The following PSG5 variants were observed in gnomAD, a reference collection of about 807,000 sequenced individuals.
PSG5 encodes pregnancy specific beta-1-glycoprotein 5, also known as pregnancy-specific beta-1-glycoprotein 5.
In PSG5, 53 loss-of-function variants were observed where a neutral mutation model predicts 37.7. The observed-to-expected ratio is 1.41, with a 90% CI of 1.13 to 1.77. The LOEUF is 1.77. Ranked by LOEUF, PSG5 falls within the 40% of genes most tolerant of loss-of-function variation. The pLI is 0.00. For synonymous variants in PSG5, 221 were observed against 155.4 expected, an observed-to-expected ratio of 1.42 and a Z score of -3.14; for missense variants, 547 against 405.2, an observed-to-expected ratio of 1.35 and a Z score of -3.00.
chr19:43,176,210 C>T, intron 2 of PSG5, 62 bp from the exon 3 acceptor site: 1 of 1,582,488 alleles, frequency 6.3e-7, no homozygotes, highest in Non-Finnish European at 8.6e-7. Flanking sequence ...CACAGGCATC[C>T]TTCAATCAGA....
chr19:43,184,701 T>G, intron 2 of PSG5, 81 bp downstream of exon 2: 1 of 1,598,300 alleles, frequency 6.3e-7, no homozygotes, highest in Non-Finnish European at 8.6e-7. Flanking sequence ...ACAGGCACAG[T>G]GCAGGCCTGA....
intron 4 of PSG5, among the ~76,000 whole-genome samples, chr19:43,173,512 A>C (rs1344858969): frequency 6.6e-6 from 1 of 151,726 alleles, no homozygotes; most frequent in African/African-American, 2.4e-5. Context: ...AACAGCAAAC[A>C]TCCAAAAACC....
At chr19:43,168,334 C>T (rs1968830439) in intron 5 of PSG5, 131 bp from the exon 6 acceptor site, 5 of 287,846 alleles carry the variant, frequency 1.7e-5, no homozygotes, top group South Asian at 3.3e-4. Flanking sequence ...TATTTGATTT[C>T]CAGAAATTTC....
Position 43,185,120 on chromosome 19 carries a change from G to C in PSG5, c.92C>G (p.Pro31Arg), listed in dbSNP as rs1349442761. The change falls in exon 2 of 6, where the codon CCT becomes CGT. Residue 31 changes from proline (P) to arginine (R), a missense_variant. Coordinates refer to ENST00000342951, the MANE Select transcript of PSG5 (RefSeq NM_002781.4). Reference sequence around the variant, plus strand: ...TTCAATCGTGACTTGAGCAGTGATAGGCAGGTTCCAGAAGTTTAAAAGTGA... The same window carrying C: ...TTCAATCGTGACTTGAGCAGTGATACGCAGGTTCCAGAAGTTTAAAAGTGA... ...TASLLNFWNL[P>R]ITAQVTIEAL... is the part of the protein sequence containing the mutation. 3 of 1,609,486 alleles carry C rather than the reference G, an allele frequency of 1.9e-6. No individual in the cohort carries two copies. The highest frequency in any genetic ancestry group is 4.5e-5 in the East Asian group (2 of 44,864).
At chr19:43,169,517 A>G (rs1291978433) in intron 5 of PSG5, among the ~76,000 whole-genome samples, 1 of 151,620 alleles carries the variant, frequency 6.6e-6, no homozygotes, top group Non-Finnish European at 1.5e-5. Context: ...TCTAATTAGG[A>G]TGAAGGAATT....
Position 43,175,204 on chromosome 19 carries a change from G to A in PSG5, c.964+11C>T, listed in dbSNP as rs1968979042. 1 of 1,612,536 alleles carries A rather than the reference G, an allele frequency of 6.2e-7. No homozygotes were observed. The highest frequency in any genetic ancestry group is 8.5e-7 in the Non-Finnish European group (1 of 1,179,116). On this transcript the variant is annotated intron_variant, in intron 4 of 5. Transcript: ENST00000342951. ...AAAACCCTATTGCCAAGGATGCTGG[G>A]ATCCACTTACCAGAGACTTCGACTG...
rs538125908 is a variant in PSG5 at position 43,177,729 on chromosome 19, AAGAC to A, written c.431-1585_431-1582del. On this transcript the variant is annotated intron_variant, in intron 2 of 5. Coordinates refer to ENST00000342951, the MANE Select transcript of PSG5 (RefSeq NM_002781.4). The stretch of plus-strand genomic sequence containing the variant: ...AATAAGAGCCTGTCAGGTCAGATTT[AAGAC>A]AGAGTTTTCTAATTCTGCAAAAAAT... Among the ~76,000 whole-genome samples the A allele has an allele frequency of 4.4e-4, 67 of 151,690 alleles. 2 individuals are homozygous for A. Among genetic ancestry groups the A allele is most frequent in the Non-Finnish European group, 9.3e-4 (63 of 67,904 alleles).
chr19:43,176,718 G>C (rs1969019664), intron 2 of PSG5, among the ~76,000 whole-genome samples: 1 of 150,600 alleles, frequency 6.6e-6, no homozygotes, highest in African/African-American at 2.5e-5. Flanking sequence ...TCAGTCATCA[G>C]CCAGTGGAGG....
rs76490093 is a variant in PSG5 at position 43,179,893 on chromosome 19, A to G, written c.431-3745T>C. ...GACCATTGTTCCCTGTTCTGGGTCC[A>G]TGATGCTTCCTTCCCCTTGTAGAGG... is the stretch of plus-strand genomic sequence containing the variant. On this transcript the variant is annotated intron_variant, in intron 2 of 5. Transcript: ENST00000342951. Among the ~76,000 whole-genome samples, 16 of 151,936 alleles carry G rather than the reference A, an allele frequency of 1.1e-4. No individual in the cohort carries two copies. The East Asian group carries it at 3.1e-3, about 29-fold the overall frequency.
intron 4 of PSG5, 82 bp from the exon 5 acceptor site, chr19:43,170,220 G>A (rs1968875981): frequency 5.0e-6 from 6 of 1,198,554 alleles, no homozygotes; most frequent in African/African-American, 4.6e-5. Flanking sequence ...CATGTAGCAT[G>A]AGGTACTCTA....
chr19:43,177,183 G>T (rs185263491), intron 2 of PSG5, among the ~76,000 whole-genome samples: 6 of 151,734 alleles, frequency 4.0e-5, no homozygotes, highest in Admixed American at 3.3e-4. Flanking sequence ...ACTGCTGTTT[G>T]CCAGGAGCTG....
At position 43,174,110 on chromosome 19, in the gene PSG5, C is replaced by T. The variant is rs1002530957; in HGVS notation, c.964+1105G>A. The T allele has an allele frequency of 4.0e-5, 6 of 151,570 alleles. 1 individual carries two copies. Among genetic ancestry groups the T allele is most frequent in the African/African-American group, 1.5e-4 (6 of 41,128 alleles). The allele number at this position is 151,570 out of a possible 1,614,324, so 9.4% of individuals were successfully genotyped here. A position where few individuals can be genotyped will look rare whatever the true frequency, so the allele number is the denominator to read the frequency against. ...ATTATGCTAACTGAAATAAACCAGA[C>T]ACAAAAGGATAATTATCATATAATT... On this transcript the variant is annotated intron_variant, in intron 4 of 5. Coordinates refer to ENST00000342951, the MANE Select transcript of PSG5 (RefSeq NM_002781.4).
Position 43,172,477 on chromosome 19 carries a change from A to G in PSG5, c.965-2339T>C, listed in dbSNP as rs1010691106. Among the ~76,000 whole-genome samples the G allele has an allele frequency of 5.3e-5, 8 of 151,830 alleles. 1 individual carries two copies. Among genetic ancestry groups the G allele is most frequent in the Admixed American group, 2.0e-4 (3 of 15,196 alleles). ...CTGTTTACAGATAACTTGAACTTATATGTAGAAAATCCTAAAGGTGGAACA... is the reference window on the plus strand; with the variant it reads ...CTGTTTACAGATAACTTGAACTTATGTGTAGAAAATCCTAAAGGTGGAACA... On this transcript the variant is annotated intron_variant, in intron 4 of 5. Transcript: ENST00000342951.
rs1053148442 is a variant in PSG5, at chr19:43,168,048, T to C, written c.*196A>G. On this transcript the variant is annotated 3_prime_UTR_variant, in exon 6 of 6. Coordinates refer to ENST00000342951, the MANE Select transcript of PSG5 (RefSeq NM_002781.4). ...AGGTATCAGCCTGTTCATTAAAATT[T>C]TGAAAGTTCTTAGTCCAGTGGTATG... The C allele has an allele frequency of 2.4e-6, 1 of 416,928 alleles. No homozygotes were observed. The highest frequency in any genetic ancestry group is 4.4e-6 in the Non-Finnish European group (1 of 227,576). 25.8% of individuals were successfully genotyped at this position (416,928 alleles called of 1,614,324 possible).
chr19:43,184,659 A>C (rs1438397276), intron 2 of PSG5, 123 bp downstream of exon 2: 1 of 1,547,856 alleles, frequency 6.5e-7, no homozygotes, highest in Non-Finnish European at 8.9e-7. Flanking sequence ...AAATGCCCAA[A>C]CCGCAGCATG....
intron 2 of PSG5, chr19:43,179,011 A>T (rs767375240): frequency 3.1e-6 from 5 of 1,612,696 alleles, no homozygotes; most frequent in Non-Finnish European, 4.2e-6. Flanking sequence ...GACAGCTGCA[A>T]CCTGTGAGTC....
In PSG5 at chr19:43,186,375, G is replaced by C. The variant is rs142338466; in HGVS notation, c.31C>G (p.Gln11Glu). MGPLSAPPCTQHITWKGLLLT... is the reference protein window; with the variant it reads MGPLSAPPCTEHITWKGLLLT... ...AGGAGCCCCTTCCAGGTGATGTGCTGTGTGCAGGGAGGGGCTGAGAGGGGC... is the reference window on the plus strand; with the variant it reads ...AGGAGCCCCTTCCAGGTGATGTGCTCTGTGCAGGGAGGGGCTGAGAGGGGC... The change falls in exon 1 of 6, where the codon CAG (glutamine) becomes GAG (glutamate). Residue 11 changes from glutamine to glutamate, a missense_variant. Gln to Glu is a conservative substitution (Grantham distance 29, BLOSUM62 2). Transcript: ENST00000342951. 23 of 1,612,270 alleles carry C rather than the reference G, an allele frequency of 1.4e-5. 1 individual carries two copies. The highest frequency in any genetic ancestry group is 2.2e-5 in the East Asian group (1 of 44,870).
In PSG5 at chr19:43,176,068, G is replaced by A. The variant is rs1969004281; in HGVS notation, c.511C>T (p.Pro171Ser). 2 of 1,610,870 alleles carry A rather than the reference G, an allele frequency of 1.2e-6. No homozygotes were observed. Among genetic ancestry groups the A allele is most frequent in the Non-Finnish European group, 8.5e-7 (1 of 1,179,164 alleles). ...ATGTAGGTGTAGTTCTCACTCTTAGGTTCACAGGTGAAGGCTAAGACATCC... is the reference window on the plus strand; with the variant it reads ...ATGTAGGTGTAGTTCTCACTCTTAGATTCACAGGTGAAGGCTAAGACATCC... ...NKDVLAFTCE[P>S]KSENYTYIWW... is the part of the protein sequence containing the mutation. The change falls in exon 3 of 6, where the codon CCT (proline) becomes TCT (serine). Residue 171 changes from proline to serine, a missense_variant. By Grantham distance (74) the Pro-to-Ser change is moderately conservative. Transcript: ENST00000342951.
rs1039531886 is a variant in PSG5 at position 43,171,439 on chromosome 19, C to G, written c.965-1301G>C. 28 of 176,040 alleles carry G rather than the reference C, an allele frequency of 1.6e-4. 2 individuals are homozygous for G. The highest frequency in any genetic ancestry group is 6.2e-4 in the African/African-American group (26 of 42,006). 10.9% of individuals were successfully genotyped at this position (176,040 alleles called of 1,614,324 possible). A position where few individuals can be genotyped will look rare whatever the true frequency, so the allele number is the denominator to read the frequency against. ...TTAAAAAAGAAGAAAGATCTCAGGT[C>G]AACAACCTACTTTAATACTTCAGGA... On this transcript the variant is annotated intron_variant, in intron 4 of 5. Transcript: ENST00000342951.
Sources: allele counts gnomAD v4.1 joint callset (sites outside exome capture counted in the v4.1 genomes callset), GRCh38; gene constraint gnomAD v4.1.1; transcripts MANE v1.5; gene names NCBI Gene and HGNC (gene_info 2026-07-23, HGNC 2026-07-21).